The following PRPSAP2 variants were observed in gnomAD, a reference collection of about 807,000 sequenced individuals.
PRPSAP2 encodes the protein phosphoribosyl pyrophosphate synthetase associated protein 2.
A neutral mutation model predicts 40.6 loss-of-function variants in PRPSAP2; 24 were observed. The ratio of observed to expected loss-of-function variants is 0.59; its 90% CI spans 0.43 to 0.83. PRPSAP2 has a LOEUF of 0.83. PRPSAP2 is among the 40% of genes least tolerant of loss of function. The probability of loss-of-function intolerance (pLI) is 0.00; values close to 1 mark genes in which losing one functional copy is unlikely to be tolerated. For synonymous variants in PRPSAP2, 149 were observed against 164.7 expected (o/e 0.90, Z 0.73); for missense variants, 292 against 465.6 (o/e 0.63, Z 3.43).
At chr17:18,869,363 G>T (rs2037670610) in intron 4 of PRPSAP2, among the ~76,000 whole-genome samples, 1 of 149,626 alleles carries the variant, frequency 6.7e-6, no homozygotes. Context: ...TTTGAGACAG[G>T]GTCTTTCTGT....
At chr17:18,874,806 C>T (rs1404095336) in intron 5 of PRPSAP2, among the ~76,000 whole-genome samples, 2 of 152,236 alleles carry the variant, frequency 1.3e-5, no homozygotes, top group Non-Finnish European at 2.9e-5. Context: ...CCCTTTACCT[C>T]CAGCATCGGG....
Position 18,858,195 on chromosome 17 carries a change from G to A in PRPSAP2, c.-195G>A, listed in dbSNP as rs11548434. On this transcript the variant is annotated 5_prime_UTR_variant, in exon 1 of 12. Transcript: ENST00000268835. Reference sequence around the variant, plus strand: ...ATTTTGCTCCTAGAGAGGCCGCCAGGAGACCCGGCGCTTTCTTCCTTCTGC... The same window carrying A: ...ATTTTGCTCCTAGAGAGGCCGCCAGAAGACCCGGCGCTTTCTTCCTTCTGC... 0.53 allele frequency: 80,947 copies of A among 152,188 alleles called. 21,818 individuals are homozygous for A. The highest frequency in any genetic ancestry group is 0.6 in the Middle Eastern group (174 of 292). 9.4% of individuals were successfully genotyped at this position (152,188 alleles called of 1,614,324 possible).
upstream of PRPSAP2, chr17:18,856,481 G>GTCCC (rs2036598983): frequency 1.3e-5 from 2 of 152,184 alleles, no homozygotes; most frequent in Admixed American, 1.3e-4. Flanking sequence ...AAAGAGGTAT[G>GTCCC]TCCCTGTAAA....
rs965405174 is a variant in PRPSAP2, at chr17:18,903,560, C to T, written c.585-7543C>T. On this transcript the variant is annotated intron_variant, in intron 8 of 11. Coordinates refer to ENST00000268835, the MANE Select transcript of PRPSAP2 (RefSeq NM_002767.4). ...AACAGCCTGGGCAACATGTTGAAAC[C>T]CCATCTCTACCAAAAATACAAAAAT... Among the ~76,000 whole-genome samples the T allele has an allele frequency of 2.6e-5, 4 of 152,092 alleles. No homozygotes were observed. The East Asian group carries it at 7.7e-4, about 29-fold the overall frequency.
chr17:18,898,248 C>T (rs1024391324), intron 8 of PRPSAP2, among the ~76,000 whole-genome samples: 1 of 151,112 alleles, frequency 6.6e-6, no homozygotes, highest in African/African-American at 2.4e-5. Flanking sequence ...CTGCCCACCG[C>T]GGCCTCCCAA....
In PRPSAP2 at chr17:18,911,428, C is replaced by T. The variant is rs1400634387; in HGVS notation, c.733+177C>T. On this transcript the variant is annotated intron_variant, in intron 9 of 11. Coordinates refer to ENST00000268835, the MANE Select transcript of PRPSAP2 (RefSeq NM_002767.4). This position sits in a 1 kb window ranked among gnomAD's most constrained non-coding sequence, Gnocchi z 4.5. Reference sequence around the variant, plus strand: ...CTGATTACCTTGTAAATTGTAAGGCCGTTTAGAAGCAGTCTGTCCTTCTTT... The same window carrying T: ...CTGATTACCTTGTAAATTGTAAGGCTGTTTAGAAGCAGTCTGTCCTTCTTT... 6.6e-6 allele frequency among the ~76,000 whole-genome samples: 1 copy of T among 152,008 alleles called. No homozygotes were observed. Among genetic ancestry groups the T allele is most frequent in the Non-Finnish European group, 1.5e-5 (1 of 68,014 alleles).
intron 8 of PRPSAP2, among the ~76,000 whole-genome samples, chr17:18,897,534 T>C (rs951161374): frequency 6.6e-6 from 1 of 152,068 alleles, no homozygotes; most frequent in Non-Finnish European, 1.5e-5. Flanking sequence ...CCATCTTGGC[T>C]CACTGCAGCC....
chr17:18,859,438 C>T (rs1428094718), intron 1 of PRPSAP2: 1 of 152,216 alleles, frequency 6.6e-6, no homozygotes, highest in Non-Finnish European at 1.5e-5. Flanking sequence ...ATGCTGAGAC[C>T]GAGCTATTTT....
chr17:18,866,960 ACAGCAGATTCCAAGCCTCTG>A (rs922853770), intron 3 of PRPSAP2, among the ~76,000 whole-genome samples: 1 of 151,920 alleles, frequency 6.6e-6, no homozygotes, highest in Non-Finnish European at 1.5e-5. Flanking sequence ...AGCAGAGGGG[ACAGCAGATTCCAAGCCTCTG>A]CAGCATGCAG....
At chr17:18,905,548 C>G (rs1442532633) in intron 8 of PRPSAP2, among the ~76,000 whole-genome samples, 1 of 152,022 alleles carries the variant, frequency 6.6e-6, no homozygotes, top group Non-Finnish European at 1.5e-5. Flanking sequence ...AGACTCTGCC[C>G]CATTGTTCTG....
At chr17:18,879,622 T>G (rs1005132655) in intron 6 of PRPSAP2, among the ~76,000 whole-genome samples, 5 of 151,868 alleles carry the variant, frequency 3.3e-5, no homozygotes, top group Non-Finnish European at 7.4e-5. Context: ...CCTGGCTAAT[T>G]TTTGTATTTT....
intron 4 of PRPSAP2, among the ~76,000 whole-genome samples, chr17:18,869,025 A>G (rs2037644618): frequency 6.6e-6 from 1 of 152,156 alleles, no homozygotes; most frequent in Non-Finnish European, 1.5e-5. Context: ...AAACTCTGCA[A>G]GGAGAGTTTG....
At chr17:18,864,473 T>C (rs1338839651) in intron 1 of PRPSAP2, among the ~76,000 whole-genome samples, 1 of 151,908 alleles carries the variant, frequency 6.6e-6, no homozygotes, top group African/African-American at 2.4e-5. Flanking sequence ...TTTGTATTTT[T>C]AGTAGAGACA....
chr17:18,892,883 C>T (rs778488863), intron 8 of PRPSAP2, among the ~76,000 whole-genome samples: 15 of 151,432 alleles, frequency 9.9e-5, no homozygotes, highest in South Asian at 2.1e-4. Flanking sequence ...TACAGGCATG[C>T]GCCACCATGC....
chr17:18,870,621 C>A lies in PRPSAP2; in HGVS notation c.173-1962C>A, dbSNP rs1453607533. ...ACCAGAAGTTTGAGACCAACCTGGG[C>A]AACATGGCAAAACCCCATCTTTACC... On this transcript the variant is annotated intron_variant, in intron 4 of 11. Transcript: ENST00000268835. 2.6e-5 allele frequency among the ~76,000 whole-genome samples: 4 copies of A among 151,888 alleles called. No individual in the cohort carries two copies. The East Asian group carries it at 7.8e-4, about 29-fold the overall frequency.
rs543700218 is a variant in PRPSAP2 at position 18,865,930 on chromosome 17, G to C, written c.97G>C (p.Glu33Gln). 6.8e-7 allele frequency: 1 copy of C among 1,476,072 alleles called. No homozygotes were observed. Among genetic ancestry groups the C allele is most frequent in the Non-Finnish European group, 9.1e-7 (1 of 1,098,700 alleles). The allele number at this position is 1,476,072 out of a possible 1,614,324, so 91.4% of individuals were successfully genotyped here. A position where few individuals can be genotyped will look rare whatever the true frequency, so the allele number is the denominator to read the frequency against. ...FSANSNSSCM[E>Q]LSKKIAERLG... is the part of the protein sequence containing the mutation. ...AGCAAACTCGAATTCATCATGTATG[G>C]AGCTATCAAAGAAAATTGCAGAGTG... The change falls in exon 3 of 12, where the codon GAG becomes CAG. Residue 33 changes from glutamate (E) to glutamine (Q), a missense_variant. Glu to Gln is a conservative substitution (Grantham distance 29, BLOSUM62 2). Coordinates refer to ENST00000268835, the MANE Select transcript of PRPSAP2 (RefSeq NM_002767.4).
chr17:18,917,521 A>G (rs1315566778), intron 9 of PRPSAP2: 1 of 144,554 alleles, frequency 6.9e-6, no homozygotes, highest in Non-Finnish European at 1.5e-5. Flanking sequence ...CTACCGGTAC[A>G]TGCCACCATG....
intron 9 of PRPSAP2, among the ~76,000 whole-genome samples, chr17:18,919,410 A>T (rs1319948981): frequency 6.6e-6 from 1 of 152,080 alleles, no homozygotes; most frequent in Non-Finnish European, 1.5e-5. Context: ...CAGGAGGCTG[A>T]GGCAGGAGAA....
At chr17:18,922,617 T>C (rs2041745127) in intron 9 of PRPSAP2, among the ~76,000 whole-genome samples, 1 of 151,108 alleles carries the variant, frequency 6.6e-6, no homozygotes, top group African/African-American at 2.4e-5. Context: ...TTTTGTTGAA[T>C]TATAAAAGTT....
Sources: gnomAD v4.1 joint callset for allele counts (sites outside exome capture counted in the v4.1 genomes callset) on GRCh38, gnomAD v4.1.1 for gene constraint, Gnocchi (gnomAD v3.1) non-coding constraint, MANE v1.5 for transcripts, NCBI Gene and HGNC (gene_info 2026-07-23, HGNC 2026-07-21) for gene names.